Variants in DSCAM observed in about 807,000 individuals in gnomAD.
DSCAM encodes DS cell adhesion molecule.
A neutral mutation model predicts 217.7 loss-of-function variants in DSCAM; 47 were observed. That is an observed-to-expected ratio of 0.22 (90% confidence interval 0.17 to 0.28). The LOEUF (loss-of-function observed/expected upper bound fraction) is 0.28. Among genes scored for constraint, DSCAM ranks in the 10% least tolerant of loss-of-function variants. DSCAM has a pLI of 1.00. For synonymous variants in DSCAM, 1,056 were observed against 1,015.3 expected (o/e 1.04, Z -0.76); for missense variants, 2,080 against 2,618.3 (o/e 0.79, Z 4.49).
chr21:40,281,531 T>C (rs2073759550), intron 10 of DSCAM, among the ~76,000 whole-genome samples: 1 of 152,128 alleles, frequency 6.6e-6, no homozygotes, highest in Non-Finnish European at 1.5e-5. Context: ...GGACCAAAGG[T>C]GATGCATATT....
At chr21:40,366,217 G>A (rs956089935) in intron 4 of DSCAM, among the ~76,000 whole-genome samples, 1 of 151,948 alleles carries the variant, frequency 6.6e-6, no homozygotes, top group Non-Finnish European at 1.5e-5. Context: ...TTTTGAATTA[G>A]TGTTTTATTA....
chr21:40,169,689 C>T (rs916358237), intron 15 of DSCAM, among the ~76,000 whole-genome samples: 3 of 152,054 alleles, frequency 2.0e-5, no homozygotes, highest in South Asian at 2.1e-4. Flanking sequence ...ATTGCGGCCT[C>T]GATTTTCCAG....
intron 20 of DSCAM, among the ~76,000 whole-genome samples, chr21:40,109,599 T>A (rs952462143): frequency 6.6e-6 from 1 of 152,154 alleles, no homozygotes; most frequent in Non-Finnish European, 1.5e-5. Flanking sequence ...GCACCGAGCA[T>A]GAGGCAAAGC....
At chr21:40,666,453 C>T (rs1283477740) in intron 3 of DSCAM, among the ~76,000 whole-genome samples, 3 of 152,198 alleles carry the variant, frequency 2.0e-5, no homozygotes, top group Non-Finnish European at 4.4e-5. Context: ...GGTCCCATTG[C>T]TGATACTTTC....
chr21:40,812,322 C>G (rs899165616), intron 1 of DSCAM, among the ~76,000 whole-genome samples: 16 of 152,178 alleles, frequency 1.1e-4, no homozygotes, highest in African/African-American at 3.4e-4. Flanking sequence ...AATGACAGCA[C>G]CATCACACCA....
intron 3 of DSCAM, among the ~76,000 whole-genome samples, chr21:40,498,965 T>A (rs1166250917): frequency 6.6e-6 from 1 of 151,404 alleles, no homozygotes; most frequent in Non-Finnish European, 1.5e-5. Context: ...CACAAGAGAA[T>A]TTCTCATTAT....
intron 4 of DSCAM, among the ~76,000 whole-genome samples, 181 bp downstream of exon 4, chr21:40,368,918 T>C (rs2074863324): frequency 6.6e-6 from 1 of 152,244 alleles, no homozygotes; most frequent in Admixed American, 6.5e-5. Flanking sequence ...ATGTGAAATC[T>C]GTATTTCTAT....
Position 40,708,457 on chromosome 21 carries a change from C to A in DSCAM, c.358G>T (p.Ala120Ser). The change falls in exon 2 of 33, where the codon GCT (alanine) becomes TCT (serine). Residue 120 changes from alanine to serine, a missense_variant. Around this residue, in one of 5 missense-constraint regions of DSCAM, gnomAD observed 568 missense variants for 678.1 expected, o/e 0.84. Coordinates refer to ENST00000400454, the MANE Select transcript of DSCAM (RefSeq NM_001389.5). Reference sequence around the variant, plus strand: ...CAAAGCCCAGAGCTGTACTCACCAGCCTTGATGTGGACATCCTGACTTCTA... The same window carrying A: ...CAAAGCCCAGAGCTGTACTCACCAGACTTGATGTGGACATCCTGACTTCTA... Reference protein sequence around the residue: ...KIRSQDVHIKAVLREPYTVRV... With the variant: ...KIRSQDVHIKSVLREPYTVRV... The A allele has an allele frequency of 6.6e-7, 1 of 1,504,058 alleles. No homozygotes were observed. Among genetic ancestry groups the A allele is most frequent in the African/African-American group, 1.4e-5 (1 of 72,044 alleles). 93.2% of individuals were successfully genotyped at this position (1,504,058 alleles called of 1,614,324 possible). A position where few individuals can be genotyped will look rare whatever the true frequency, so the allele number is the denominator to read the frequency against.
intron 16 of DSCAM, among the ~76,000 whole-genome samples, chr21:40,153,745 TA>T (rs2090448295): frequency 6.6e-6 from 1 of 152,114 alleles, no homozygotes; most frequent in Non-Finnish European, 1.5e-5. Context: ...AGGTGTGTTT[TA>T]AAAAGCCCTC....
At chr21:40,320,968 T>A (rs993647440) in intron 8 of DSCAM, among the ~76,000 whole-genome samples, 1 of 152,264 alleles carries the variant, frequency 6.6e-6, no homozygotes, top group Non-Finnish European at 1.5e-5. Context: ...CAAGAGTTTA[T>A]GAGAGTTCAT....
At chr21:40,369,938 C>T (rs2074877209) in intron 3 of DSCAM, among the ~76,000 whole-genome samples, 1 of 152,028 alleles carries the variant, frequency 6.6e-6, no homozygotes, top group South Asian at 2.1e-4. Context: ...ACAATTTTCA[C>T]CTCAAGAAAA....
intron 2 of DSCAM, among the ~76,000 whole-genome samples, chr21:40,700,921 G>C (rs984397370): frequency 6.6e-6 from 1 of 151,944 alleles, no homozygotes; most frequent in Non-Finnish European, 1.5e-5. Flanking sequence ...GTTTCTAGTA[G>C]AGATGGATTT....
intron 1 of DSCAM, among the ~76,000 whole-genome samples, chr21:40,823,340 G>A (rs2091944804): frequency 6.6e-6 from 1 of 152,036 alleles, no homozygotes. Context: ...GGCTGCAGAT[G>A]TGAAATATGA....
At chr21:40,675,357 G>A (rs1207790741) in intron 3 of DSCAM, among the ~76,000 whole-genome samples, 1 of 151,588 alleles carries the variant, frequency 6.6e-6, no homozygotes, top group Non-Finnish European at 1.5e-5. Context: ...AGCTATCAGA[G>A]AGAATTATGG....
chr21:40,018,196 G>T (rs896986877), intron 32 of DSCAM, among the ~76,000 whole-genome samples: 17 of 152,146 alleles, frequency 1.1e-4, no homozygotes, highest in Non-Finnish European at 2.2e-4. Context: ...TAATTCTTTT[G>T]TAATGTGAAC....
chr21:40,505,835 C>A (rs551401442), intron 3 of DSCAM, among the ~76,000 whole-genome samples: 1 of 152,318 alleles, frequency 6.6e-6, no homozygotes, highest in South Asian at 2.1e-4. Context: ...CATATCCAGT[C>A]CCTCTGTGTG....
At chr21:40,382,233 T>C (rs1352887276) in intron 3 of DSCAM, among the ~76,000 whole-genome samples, 1 of 152,172 alleles carries the variant, frequency 6.6e-6, no homozygotes, top group Admixed American at 6.5e-5. Context: ...TTATTCCTGG[T>C]AGGGGGACTC....
At chr21:40,326,395 T>C (rs1571717) in intron 8 of DSCAM, among the ~76,000 whole-genome samples, 77,332 of 151,998 alleles carry the variant, frequency 0.51, 20,055 homozygotes, top group South Asian at 0.61. Context: ...CTATGTTTCA[T>C]TGAGACAAAA....
At chr21:40,711,425 C>A (rs1440977534) in intron 1 of DSCAM, among the ~76,000 whole-genome samples, 2 of 152,218 alleles carry the variant, frequency 1.3e-5, no homozygotes, top group Non-Finnish European at 2.9e-5. Context: ...TAAGATTTAA[C>A]CTGCTCACTA....
Sources: gnomAD v4.1 joint callset for allele counts (sites outside exome capture counted in the v4.1 genomes callset) on GRCh38, gnomAD v4.1.1 for gene constraint, gnomAD v4.1.1 regional missense constraint, MANE v1.5 for transcripts, NCBI Gene and HGNC (gene_info 2026-07-23, HGNC 2026-07-21) for gene names.